PCDHA5: variants seen among roughly 807,000 people sequenced by gnomAD.
PCDHA5 encodes the protein protocadherin alpha 5.
Under a neutral mutation model 61.6 loss-of-function variants are expected in PCDHA5, and 43 were observed. The ratio of observed to expected loss-of-function variants is 0.70; its 90% CI spans 0.55 to 0.90. The LOEUF (loss-of-function observed/expected upper bound fraction) is 0.90. Ranked by LOEUF, PCDHA5 falls within the 40% of genes least tolerant of loss-of-function variation. The probability of loss-of-function intolerance (pLI) is 0.00; values close to 1 mark genes in which losing one functional copy is unlikely to be tolerated. For synonymous variants in PCDHA5, 627 were observed against 543.9 expected (o/e 1.15, Z -2.13); for missense variants, 1,298 against 1,222.7 (o/e 1.06, Z -0.92).
chr5:140,849,956 C>G (rs2150460065), intron 1 of PCDHA5: 1 of 1,597,918 alleles, frequency 6.3e-7, no homozygotes, highest in South Asian at 1.1e-5. Context: ...CGCAGGAGAA[C>G]GCCCTGGTGT....
chr5:140,878,556 A>C (rs959852623), intron 1 of PCDHA5, among the ~76,000 whole-genome samples: 1 of 152,156 alleles, frequency 6.6e-6, no homozygotes. Context: ...GATGATCCCA[A>C]ACTTATCATA....
chr5:140,883,391 T>C (rs1301270294), intron 1 of PCDHA5: 8 of 1,614,052 alleles, frequency 5.0e-6, no homozygotes, highest in Non-Finnish European at 6.8e-6. Flanking sequence ...AATCAGTGTG[T>C]CCGATCGTGA....
chr5:140,980,044 T>G (rs1249451662), intron 2 of PCDHA5, among the ~76,000 whole-genome samples: 11 of 152,258 alleles, frequency 7.2e-5, no homozygotes, highest in Non-Finnish European at 1.5e-4. Flanking sequence ...GGGTGCTATT[T>G]CTGATTCAGA....
intron 1 of PCDHA5, among the ~76,000 whole-genome samples, chr5:140,893,346 C>A (rs1368723678): frequency 6.6e-6 from 1 of 152,104 alleles, no homozygotes; most frequent in Non-Finnish European, 1.5e-5. Context: ...AGTGGCAGTG[C>A]TAATTTACAT....
chr5:140,942,223 G>A (rs1334170178), intron 1 of PCDHA5, among the ~76,000 whole-genome samples: 4 of 152,064 alleles, frequency 2.6e-5, no homozygotes, highest in African/African-American at 9.7e-5. Flanking sequence ...TTTAAAATGT[G>A]TAGGCAAATA....
intron 1 of PCDHA5, chr5:140,870,111 G>A (rs112749867): frequency 6.8e-6 from 11 of 1,613,880 alleles, no homozygotes; most frequent in Non-Finnish European, 9.3e-6. Flanking sequence ...GTACAGTCTG[G>A]GTGGAAATCT....
chr5:140,939,054 G>C (rs1304220594), intron 1 of PCDHA5, among the ~76,000 whole-genome samples: 1 of 152,112 alleles, frequency 6.6e-6, no homozygotes, highest in East Asian at 1.9e-4. Flanking sequence ...GTCCATTTGG[G>C]CTGCTATATC....
intron 1 of PCDHA5, chr5:140,871,553 G>T (rs1390415919): frequency 6.7e-7 from 1 of 1,491,208 alleles, no homozygotes; most frequent in East Asian, 2.5e-5. Context: ...TTAAAATCCA[G>T]TTTTTTTTCA....
intron 1 of PCDHA5, among the ~76,000 whole-genome samples, chr5:140,892,875 G>A (rs1041608064): frequency 1.3e-5 from 2 of 152,022 alleles, no homozygotes; most frequent in Non-Finnish European, 2.9e-5. Flanking sequence ...CTATAATTTC[G>A]TATCCATTAA....
At chr5:140,925,812 A>G (rs2082739434) in intron 1 of PCDHA5, among the ~76,000 whole-genome samples, 1 of 151,890 alleles carries the variant, frequency 6.6e-6, no homozygotes. Flanking sequence ...TCCACTTCTC[A>G]CGTCTTCTTT....
intron 1 of PCDHA5, chr5:140,863,693 C>T: frequency 3.3e-6 from 1 of 301,562 alleles, no homozygotes; most frequent in African/African-American, 2.2e-5. Flanking sequence ...TTTTGAGATG[C>T]TTTATTTAAA....
chr5:140,945,534 TACAA>T (rs1326981055), intron 1 of PCDHA5, among the ~76,000 whole-genome samples: 1 of 151,454 alleles, frequency 6.6e-6, no homozygotes, highest in African/African-American at 2.4e-5. Flanking sequence ...AAACAAAACA[TACAA>T]ACAAAAAAAT....
At chr5:141,001,959 C>T (rs755695273) in intron 3 of PCDHA5, among the ~76,000 whole-genome samples, 8 of 152,098 alleles carry the variant, frequency 5.3e-5, no homozygotes, top group Admixed American at 3.9e-4. Context: ...GAGGGAGAGG[C>T]GGGGTGTCTC....
intron 1 of PCDHA5, among the ~76,000 whole-genome samples, chr5:140,924,898 AAAAAAAATAAAAT>A (rs1214088536): frequency 1.9e-4 from 10 of 53,034 alleles, no homozygotes; most frequent in Non-Finnish European, 1.3e-4. Context: ...CTGTCTCAAA[AAAAAAAATAAAAT>A]AAAATAAAAT....
At chr5:140,913,092 C>T (rs1293188459) in intron 1 of PCDHA5, among the ~76,000 whole-genome samples, 1 of 152,134 alleles carries the variant, frequency 6.6e-6, no homozygotes, top group Non-Finnish European at 1.5e-5. Flanking sequence ...CAGGATAATA[C>T]TGGCCTCATA....
At chr5:140,842,217 C>T (rs145025203) in intron 1 of PCDHA5, 1 of 1,613,264 alleles carries the variant, frequency 6.2e-7, no homozygotes, top group South Asian at 1.1e-5. Context: ...GATCGAAATA[C>T]GGGAGAAATA....
At chr5:140,990,862 AT>A (rs2097420167) in intron 3 of PCDHA5, among the ~76,000 whole-genome samples, 1 of 152,198 alleles carries the variant, frequency 6.6e-6, no homozygotes, top group Non-Finnish European at 1.5e-5. Flanking sequence ...AGGACATTGT[AT>A]TTTAAGTGTA....
At chr5:140,835,977 C>G (rs2150249496) in intron 1 of PCDHA5, 1 of 1,613,352 alleles carries the variant, frequency 6.2e-7, no homozygotes, top group Admixed American at 1.7e-5. Context: ...GGAGCTGTTG[C>G]AGTTCCAGGT....
chr5:140,855,917 G>A, intron 1 of PCDHA5: 1 of 1,202,824 alleles, frequency 8.3e-7, no homozygotes, highest in South Asian at 1.6e-5. Flanking sequence ...TCAAGGACTA[G>A]GAAGTAGCGT....
Sources: allele counts gnomAD v4.1 joint callset (sites outside exome capture counted in the v4.1 genomes callset), GRCh38; gene constraint gnomAD v4.1.1; transcripts MANE v1.5; gene names NCBI Gene and HGNC (gene_info 2026-07-23, HGNC 2026-07-21).